RASA1: variants seen among roughly 807,000 people sequenced by gnomAD.
The protein encoded by RASA1 is RAS p21 protein activator 1.
In RASA1, 25 loss-of-function variants were observed where a neutral mutation model predicts 132.2. The observed-to-expected ratio is 0.19, with a 90% CI of 0.14 to 0.26. The LOEUF (loss-of-function observed/expected upper bound fraction) is 0.26, where lower values mean the gene tolerates loss of function less well. Among genes scored for constraint, RASA1 ranks in the 10% least tolerant of loss-of-function variants. The probability of loss-of-function intolerance (pLI) is 1.00; values close to 1 mark genes in which losing one functional copy is unlikely to be tolerated. For synonymous variants in RASA1, 477 were observed against 449.9 expected (o/e 1.06, Z -0.76); for missense variants, 964 against 1,299.2 (o/e 0.74, Z 3.97).
intron 24 of RASA1, among the ~76,000 whole-genome samples, chr5:87,390,039 A>T (rs1399034234): frequency 6.6e-6 from 1 of 152,180 alleles, no homozygotes; most frequent in Non-Finnish European, 1.5e-5. Context: ...ATGCAAGTGA[A>T]CCATGGCCTA....
intron 1 of RASA1, among the ~76,000 whole-genome samples, chr5:87,283,135 G>GTTTTTT (rs150142048): frequency 2.0e-5 from 2 of 99,862 alleles, no homozygotes; most frequent in Non-Finnish European, 4.1e-5. Context: ...AGTAAGTTTT[G>GTTTTTT]TTTTTTTTTT....
Position 87,389,475 on chromosome 5 carries a change from T to G in RASA1, c.3008T>G (p.Val1003Gly). ...RDLAALHEIC[V>G]AHSDELRTLS... ...TTAGCAGCATTGCATGAGATTTGCG[T>G]GGCTCATTCAGATGAACTTCGAACG... Residue 1003 changes from valine to glycine, a missense_variant, in exon 24 of 25, where the codon GTG becomes GGG. By Grantham distance (109) the Val-to-Gly change is moderately radical (BLOSUM62 -3). This residue lies in a region of RASA1 where 107 missense variants were observed against 163.8 expected (regional missense o/e 0.65). Coordinates refer to ENST00000274376, the MANE Select transcript of RASA1 (RefSeq NM_002890.3). 1.2e-6 allele frequency: 2 copies of G among 1,614,194 alleles called. No individual in the cohort carries two copies.
rs1761335366 is a variant in RASA1 at position 87,376,482 on chromosome 5, A to G, written c.2101A>G (p.Ile701Val). The G allele has an allele frequency of 6.2e-7, 1 of 1,613,960 alleles. No homozygotes were observed. The highest frequency in any genetic ancestry group is 8.5e-7 in the Non-Finnish European group (1 of 1,179,992). Residue 701 changes from isoleucine to valine, a missense_variant, in exon 16 of 25, where the codon ATT becomes GTT. Ile to Val is a conservative substitution (Grantham distance 29, BLOSUM62 3). Coordinates refer to ENST00000274376, the MANE Select transcript of RASA1 (RefSeq NM_002890.3). ...LLSSHIPLKG[I>V]EPGSLRVRAR... ...CAGCTCCCATATACCATTAAAAGGT[A>G]TTGAACCAGGGTCCCTGCGTGTTCG...
chr5:87,269,615 A>G (rs961449394), intron 1 of RASA1, among the ~76,000 whole-genome samples: 9 of 152,228 alleles, frequency 5.9e-5, no homozygotes, highest in Non-Finnish European at 1.2e-4. Flanking sequence ...ATCTTCTTCC[A>G]TAGGCTTGCC....
Position 87,268,282 on chromosome 5 carries a change from T to C in RASA1, c.-170T>C. The C allele has an allele frequency of 1.0e-6, 1 of 979,164 alleles. No homozygotes were observed. Among genetic ancestry groups the C allele is most frequent in the Non-Finnish European group, 1.5e-6 (1 of 687,196 alleles). The allele number at this position is 979,164 out of a possible 1,614,324, so 60.7% of individuals were successfully genotyped here. A position where few individuals can be genotyped will look rare whatever the true frequency, so the allele number is the denominator to read the frequency against. ...ACCCAGGCAGCTGGGGAGCCTGGGC[T>C]GTGGCCCTAGGAGGGGGCGCGGCGG... On this transcript the variant is annotated 5_prime_UTR_variant, in exon 1 of 25. Coordinates refer to ENST00000274376, the MANE Select transcript of RASA1 (RefSeq NM_002890.3).
At chr5:87,379,959 GAA>G (rs1453267936) in intron 19 of RASA1, 109 bp downstream of exon 19, 2 of 1,137,480 alleles carry the variant, frequency 1.8e-6, no homozygotes, top group Non-Finnish European at 2.5e-6. Context: ...ATTATACTCT[GAA>G]AAAGTCATGG....
intron 21 of RASA1, among the ~76,000 whole-genome samples, chr5:87,384,755 A>G (rs1229399914): frequency 1.3e-5 from 2 of 152,162 alleles, no homozygotes; most frequent in African/African-American, 4.8e-5. Context: ...TCCACAGGGA[A>G]GTGCTTCCTG....
intron 1 of RASA1, among the ~76,000 whole-genome samples, chr5:87,290,256 G>A (rs1006126394): frequency 6.6e-6 from 1 of 152,206 alleles, no homozygotes; most frequent in African/African-American, 2.4e-5. Flanking sequence ...TGGTGTATAA[G>A]GGACAGGAAT....
intron 1 of RASA1, among the ~76,000 whole-genome samples, chr5:87,293,155 TA>T (rs1754979037): frequency 6.6e-6 from 1 of 152,106 alleles, no homozygotes; most frequent in South Asian, 2.1e-4. Flanking sequence ...AAAACAGTGG[TA>T]AGAGGAGGTG....
intron 1 of RASA1, among the ~76,000 whole-genome samples, chr5:87,271,982 G>A (rs977367505): frequency 2.6e-5 from 4 of 151,178 alleles, no homozygotes; most frequent in South Asian, 4.2e-4. Flanking sequence ...GTGAAACCCC[G>A]TCTCTACTAA....
intron 11 of RASA1, among the ~76,000 whole-genome samples, chr5:87,368,809 C>T (rs1376105087): frequency 2.6e-5 from 4 of 152,114 alleles, no homozygotes; most frequent in Non-Finnish European, 5.9e-5. Flanking sequence ...TGGAGAATGT[C>T]GGGTTAATTA....
intron 10 of RASA1, 95 bp downstream of exon 10, chr5:87,362,766 A>G: frequency 7.0e-7 from 1 of 1,423,374 alleles, no homozygotes; most frequent in Non-Finnish European, 9.8e-7. Context: ...AAGTTTTGAC[A>G]TGAGTTATTA....
chr5:87,279,459 A>G (rs1278549355), intron 1 of RASA1, among the ~76,000 whole-genome samples: 3 of 152,220 alleles, frequency 2.0e-5, no homozygotes, highest in Admixed American at 6.5e-5. Flanking sequence ...AAAAGCTGCT[A>G]TAAACATTTG....
At chr5:87,388,291 A>C (rs1762210282) in intron 23 of RASA1, among the ~76,000 whole-genome samples, 2 of 152,192 alleles carry the variant, frequency 1.3e-5, no homozygotes, top group African/African-American at 4.8e-5. Context: ...AGTTTTTAGC[A>C]ATGTAAAGCA....
At chr5:87,338,536 A>ATATATATATATATATATATATATATT in intron 5 of RASA1, among the ~76,000 whole-genome samples, 5 of 85,220 alleles carry the variant, frequency 5.9e-5, no homozygotes, top group East Asian at 4.9e-4. Context: ...TATATATAAA[A>ATATATATATATATATATATATATATT]TTTTTTTTTT....
chr5:87,372,225 T>C (rs946257430), intron 13 of RASA1, 30 bp downstream of exon 13: 2 of 1,585,390 alleles, frequency 1.3e-6, no homozygotes, highest in African/African-American at 1.3e-5. Context: ...GATTTTTAAT[T>C]GTCACATTTT....
intron 15 of RASA1, 75 bp downstream of exon 15, chr5:87,374,991 TAAAATA>T: frequency 6.6e-7 from 1 of 1,512,858 alleles, no homozygotes; most frequent in Non-Finnish European, 8.8e-7. Context: ...ATGAAAGTCT[TAAAATA>T]GAAATTAAAA....
chr5:87,351,565 C>CA (rs773661087), intron 8 of RASA1, among the ~76,000 whole-genome samples: 1 of 151,650 alleles, frequency 6.6e-6, no homozygotes, highest in Admixed American at 6.6e-5. Context: ...TCTAGAAACT[C>CA]ACGTTTATTT....
intron 1 of RASA1, among the ~76,000 whole-genome samples, chr5:87,282,524 A>G (rs1020074583): frequency 2.0e-5 from 3 of 152,180 alleles, no homozygotes; most frequent in African/African-American, 7.2e-5. Flanking sequence ...GTTTAGTGAT[A>G]TGTCAGGGTT....
Sources: allele counts gnomAD v4.1 joint callset (sites outside exome capture counted in the v4.1 genomes callset), GRCh38; gene constraint gnomAD v4.1.1; regional missense constraint gnomAD v4.1.1; transcripts MANE v1.5; gene names NCBI Gene and HGNC (gene_info 2026-07-23, HGNC 2026-07-21).